Variants in GRID2 observed in about 807,000 individuals in gnomAD.
GRID2 encodes glutamate receptor ionotropic, delta-2.
A neutral mutation model predicts 114.8 loss-of-function variants in GRID2; 33 were observed. That is an observed-to-expected ratio of 0.29 (90% confidence interval 0.22 to 0.38). The LOEUF is 0.38. GRID2 is among the 10% of genes least tolerant of loss of function. The probability of loss-of-function intolerance (pLI) is 1.00; values close to 1 mark genes in which losing one functional copy is unlikely to be tolerated. For synonymous variants in GRID2, 505 were observed against 449.9 expected, an observed-to-expected ratio of 1.12 and a Z score of -1.55; for missense variants, 1,184 against 1,257.7, an observed-to-expected ratio of 0.94 and a Z score of 0.89.
In GRID2 at chr4:92,988,094, C is replaced by G. The variant is rs554964129; in HGVS notation, c.245-96901C>G. 7.8e-4 allele frequency among the ~76,000 whole-genome samples: 118 copies of G among 152,224 alleles called. 1 individual carries two copies. Among genetic ancestry groups the G allele is most frequent in the Middle Eastern group, 3.4e-3 (1 of 294 alleles). On this transcript the variant is annotated intron_variant, in intron 2 of 15. Coordinates refer to ENST00000282020, the MANE Select transcript of GRID2 (RefSeq NM_001510.4). ...CTGTGTCACACATTATTCCAAAATTCAGCAACTTAAAACCACAAACATATT... is the reference window on the plus strand; with the variant it reads ...CTGTGTCACACATTATTCCAAAATTGAGCAACTTAAAACCACAAACATATT...
chr4:92,598,633 C>T (rs958347608), intron 2 of GRID2, among the ~76,000 whole-genome samples: 2 of 152,180 alleles, frequency 1.3e-5, no homozygotes, highest in South Asian at 4.1e-4. Flanking sequence ...GGCCCTTGAA[C>T]ACACCTACTA....
intron 2 of GRID2, among the ~76,000 whole-genome samples, chr4:92,815,501 A>G (rs868838986): frequency 6.6e-6 from 1 of 152,148 alleles, no homozygotes; most frequent in South Asian, 2.1e-4. Context: ...TGATTTTCCT[A>G]TTAATTTAAA....
At chr4:92,332,248 C>G (rs1726928189) in intron 1 of GRID2, among the ~76,000 whole-genome samples, 1 of 151,992 alleles carries the variant, frequency 6.6e-6, no homozygotes, top group Non-Finnish European at 1.5e-5. Context: ...TGAGGGTCTT[C>G]TTGCAGCATC....
At chr4:93,156,341 T>G (rs1453891741) in intron 4 of GRID2, among the ~76,000 whole-genome samples, 2 of 151,852 alleles carry the variant, frequency 1.3e-5, no homozygotes, top group African/African-American at 2.4e-5. Flanking sequence ...AAGATTTTGT[T>G]AGCAAGAGAA....
chr4:92,920,957 C>G (rs942606528), intron 2 of GRID2, among the ~76,000 whole-genome samples: 13 of 152,112 alleles, frequency 8.5e-5, no homozygotes, highest in Non-Finnish European at 1.6e-4. Context: ...CAACTTGGTT[C>G]CATTCTCCCA....
At chr4:93,002,304 T>C (rs1386187555) in intron 2 of GRID2, among the ~76,000 whole-genome samples, 1 of 151,852 alleles carries the variant, frequency 6.6e-6, no homozygotes, top group East Asian at 1.9e-4. Context: ...ATTTTTATTA[T>C]AGCTGGCCAA....
intron 2 of GRID2, among the ~76,000 whole-genome samples, chr4:92,688,676 A>G (rs1030676106): frequency 6.6e-6 from 1 of 152,146 alleles, no homozygotes; most frequent in African/African-American, 2.4e-5. Context: ...CCACATCTGC[A>G]GTTACTTCCT....
intron 4 of GRID2, among the ~76,000 whole-genome samples, chr4:93,174,914 G>A (rs1278715481): frequency 6.6e-6 from 1 of 152,114 alleles, no homozygotes; most frequent in African/African-American, 2.4e-5. Context: ...TGTTATGAAT[G>A]AAATTGCTAT....
At chr4:92,482,845 G>A (rs1253924084) in intron 1 of GRID2, among the ~76,000 whole-genome samples, 1 of 152,028 alleles carries the variant, frequency 6.6e-6, no homozygotes, top group Non-Finnish European at 1.5e-5. Flanking sequence ...AATATTAAAT[G>A]CTTATTTTTA....
chr4:92,875,632 T>C, intron 2 of GRID2, among the ~76,000 whole-genome samples: 1 of 152,126 alleles, frequency 6.6e-6, no homozygotes, highest in Non-Finnish European at 1.5e-5. Context: ...ATAATATACA[T>C]GGTGTGCAGA....
intron 14 of GRID2, among the ~76,000 whole-genome samples, chr4:93,681,302 T>C (rs564813097): frequency 6.6e-6 from 1 of 151,642 alleles, no homozygotes; most frequent in South Asian, 2.1e-4. Flanking sequence ...TGGAAGAACA[T>C]TCCATACTCA....
intron 4 of GRID2, among the ~76,000 whole-genome samples, chr4:93,129,738 G>A (rs746079829): frequency 5.3e-5 from 8 of 152,030 alleles, no homozygotes; most frequent in Non-Finnish European, 1.0e-4. Context: ...TGCAGCCCTT[G>A]TCTCCATGAT....
intron 14 of GRID2, among the ~76,000 whole-genome samples, chr4:93,737,366 T>A (rs1303848053): frequency 6.6e-6 from 1 of 151,976 alleles, no homozygotes; most frequent in African/African-American, 2.4e-5. Flanking sequence ...ACCTCAAATC[T>A]CCACCACTAG....
intron 4 of GRID2, among the ~76,000 whole-genome samples, chr4:93,146,362 G>C (rs1365657886): frequency 6.6e-6 from 1 of 152,090 alleles, no homozygotes; most frequent in East Asian, 1.9e-4. Context: ...ATTCAATTTT[G>C]ATAAAAATTG....
In GRID2 at chr4:93,216,735, T is replaced by C. The variant is rs1391905764; in HGVS notation, c.790-3T>C. 8.8e-6 allele frequency: 14 copies of C among 1,591,892 alleles called. No individual in the cohort carries two copies. The highest frequency in any genetic ancestry group is 1.2e-5 in the Non-Finnish European group (14 of 1,160,644). ...TCTAATTCTTCCACCTCTTATCTTATAGGAAATAAACGATGTGGACGTACA... is the reference window on the plus strand; with the variant it reads ...TCTAATTCTTCCACCTCTTATCTTACAGGAAATAAACGATGTGGACGTACA... On this transcript the variant is annotated splice_polypyrimidine_tract_variant and splice_region_variant and intron_variant, in intron 5 of 15. Transcript: ENST00000282020.
chr4:92,619,149 T>C (rs977544817), intron 2 of GRID2, among the ~76,000 whole-genome samples: 1 of 151,728 alleles, frequency 6.6e-6, no homozygotes, highest in African/African-American at 2.4e-5. Flanking sequence ...GTTTACGTAG[T>C]ATGAGTAAAT....
chr4:92,408,302 T>A (rs1010202760), intron 1 of GRID2, among the ~76,000 whole-genome samples: 8 of 152,108 alleles, frequency 5.3e-5, no homozygotes, highest in Non-Finnish European at 1.5e-5. Flanking sequence ...CACTGGTCGA[T>A]GTGTCTGTTT....
At chr4:92,583,244 C>T (rs1435650750) in intron 1 of GRID2, among the ~76,000 whole-genome samples, 2 of 151,888 alleles carry the variant, frequency 1.3e-5, no homozygotes, top group Non-Finnish European at 2.9e-5. Context: ...AGTACAGTTC[C>T]TAGTACTAAA....
intron 1 of GRID2, among the ~76,000 whole-genome samples, chr4:93,804,027 G>A (rs1210403816): frequency 1.3e-5 from 2 of 152,156 alleles, no homozygotes; most frequent in Non-Finnish European, 2.9e-5. Context: ...TACCATTCAT[G>A]TGACCCTCAG....
Sources: allele counts gnomAD v4.1 joint callset (sites outside exome capture counted in the v4.1 genomes callset), GRCh38; gene constraint gnomAD v4.1.1; transcripts MANE v1.5; gene names NCBI Gene and HGNC (gene_info 2026-07-23, HGNC 2026-07-21).